Variants in SPHKAP observed in about 807,000 individuals in gnomAD.
The protein encoded by SPHKAP is A-kinase anchor protein SPHKAP.
SPHKAP carries 67 observed loss-of-function variants against 137.5 expected under a neutral mutation model. The observed-to-expected ratio is 0.49, with a 90% confidence interval of 0.40 to 0.60. The LOEUF (loss-of-function observed/expected upper bound fraction) is 0.60. Ranked by LOEUF, SPHKAP falls within the 20% of genes least tolerant of loss-of-function variation. SPHKAP has a pLI of 0.00. For synonymous variants in SPHKAP, 813 were observed against 785.3 expected (o/e 1.04, Z -0.59); for missense variants, 2,097 against 2,069.3 (o/e 1.01, Z -0.26).
intron 1 of SPHKAP, among the ~76,000 whole-genome samples, chr2:228,144,806 T>C (rs1045648689): frequency 3.3e-5 from 5 of 152,180 alleles, no homozygotes; most frequent in Non-Finnish European, 7.3e-5. Flanking sequence ...TGATGAGTTG[T>C]CATGGGTCCC....
At chr2:228,054,956 A>T (rs1001357856) in intron 3 of SPHKAP, among the ~76,000 whole-genome samples, 2 of 152,048 alleles carry the variant, frequency 1.3e-5, no homozygotes, top group African/African-American at 4.8e-5. Flanking sequence ...CCTGGCTAAC[A>T]TGGTGAAACC....
intron 9 of SPHKAP, among the ~76,000 whole-genome samples, chr2:227,992,376 G>GTA (rs1693446074): frequency 6.6e-6 from 1 of 152,170 alleles, no homozygotes; most frequent in Non-Finnish European, 1.5e-5. Flanking sequence ...GACATAGGGG[G>GTA]TATGACAAAT....
intron 1 of SPHKAP, among the ~76,000 whole-genome samples, chr2:228,172,785 C>T (rs1425371144): frequency 1.3e-5 from 2 of 152,136 alleles, no homozygotes; most frequent in African/African-American, 4.8e-5. Context: ...TTGGAACAGC[C>T]ACAACCTGAA....
At chr2:228,176,524 T>C (rs1327419451) in intron 1 of SPHKAP, among the ~76,000 whole-genome samples, 1 of 152,218 alleles carries the variant, frequency 6.6e-6, no homozygotes, top group Non-Finnish European at 1.5e-5. Flanking sequence ...GTCAGGTAAC[T>C]TGCCCAGACA....
chr2:228,065,771 C>G (rs998106130), intron 3 of SPHKAP, among the ~76,000 whole-genome samples: 2 of 152,130 alleles, frequency 1.3e-5, no homozygotes. Context: ...TAGAGAGAGA[C>G]AGTGCATTGA....
At position 228,072,181 on chromosome 2, in the gene SPHKAP, G is replaced by A. The variant is rs182690396; in HGVS notation, c.246+36651C>T. On this transcript the variant is annotated intron_variant, in intron 3 of 11. Coordinates refer to ENST00000392056, the MANE Select transcript of SPHKAP (RefSeq NM_001142644.2). ...TTCTCACATCTTCACACTTGAACTG[G>A]AATCTATGCCATCAGCTCTCAGGCC... 2.6e-4 allele frequency among the ~76,000 whole-genome samples: 39 copies of A among 152,206 alleles called. No homozygotes were observed. In the East Asian group the frequency reaches 7.3e-3, roughly 29 times the overall value.
At chr2:228,055,783 C>T (rs753161761) in intron 3 of SPHKAP, among the ~76,000 whole-genome samples, 1 of 152,200 alleles carries the variant, frequency 6.6e-6, no homozygotes. Context: ...AATGGCAAAC[C>T]TCCTCCTGCA....
chr2:228,046,728 TATC>T, intron 3 of SPHKAP, among the ~76,000 whole-genome samples: 1 of 152,328 alleles, frequency 6.6e-6, no homozygotes, highest in South Asian at 2.1e-4. Flanking sequence ...TTCTTTGTAA[TATC>T]ATTCTATTTT....
chr2:228,050,619 A>G (rs1338385207), intron 3 of SPHKAP, among the ~76,000 whole-genome samples: 1 of 152,178 alleles, frequency 6.6e-6, no homozygotes, highest in Non-Finnish European at 1.5e-5. Context: ...TTCAATATTT[A>G]TATTTTGTTT....
chr2:228,117,694 C>T (rs1404987243), intron 2 of SPHKAP, among the ~76,000 whole-genome samples: 1 of 152,108 alleles, frequency 6.6e-6, no homozygotes, highest in Non-Finnish European at 1.5e-5. Flanking sequence ...GAAAAATGCA[C>T]ATGATTGTGT....
intron 1 of SPHKAP, among the ~76,000 whole-genome samples, chr2:228,152,401 G>C (rs1699962670): frequency 6.6e-6 from 1 of 152,062 alleles, no homozygotes; most frequent in East Asian, 1.9e-4. Context: ...TTCTAGCAAT[G>C]TCTTTCCATT....
At chr2:228,030,524 A>C (rs1405240498) in intron 3 of SPHKAP, among the ~76,000 whole-genome samples, 49 of 102,440 alleles carry the variant, frequency 4.8e-4, no homozygotes, top group Non-Finnish European at 9.1e-4. Flanking sequence ...AAAAAAAAAA[A>C]AAAAAAAACA....
intron 3 of SPHKAP, among the ~76,000 whole-genome samples, chr2:228,036,575 C>T (rs1305643354): frequency 2.0e-5 from 3 of 151,896 alleles, no homozygotes; most frequent in Non-Finnish European, 2.9e-5. Flanking sequence ...TATAAAGACA[C>T]ATGCACACGT....
chr2:228,161,369 A>T (rs73098643), intron 1 of SPHKAP, among the ~76,000 whole-genome samples: 3 of 152,212 alleles, frequency 2.0e-5, no homozygotes, highest in Non-Finnish European at 4.4e-5. Context: ...GAGTTGGCCC[A>T]ATCTAGAAAC....
At chr2:227,984,891 T>C (rs1245835789) in intron 11 of SPHKAP, among the ~76,000 whole-genome samples, 1 of 152,156 alleles carries the variant, frequency 6.6e-6, no homozygotes, top group Non-Finnish European at 1.5e-5. Flanking sequence ...GATGGAAACA[T>C]GACATTTGCC....
chr2:227,983,628 CTGTT>C (rs35084464), intron 11 of SPHKAP, among the ~76,000 whole-genome samples: 39,702 of 151,990 alleles, frequency 0.26, 5,935 homozygotes, highest in Non-Finnish European at 0.34. Flanking sequence ...CTCAAGAAGA[CTGTT>C]TGGAATGTGG....
intron 7 of SPHKAP, among the ~76,000 whole-genome samples, chr2:228,013,330 C>T (rs1199814626): frequency 6.6e-6 from 1 of 152,190 alleles, no homozygotes; most frequent in South Asian, 2.1e-4. Flanking sequence ...CGGCTCACTG[C>T]AACCTCCACC....
intron 3 of SPHKAP, among the ~76,000 whole-genome samples, chr2:228,107,473 T>A (rs968590328): frequency 6.6e-6 from 1 of 152,188 alleles, no homozygotes; most frequent in Non-Finnish European, 1.5e-5. Flanking sequence ...TGATACCATC[T>A]GACACTATAA....
At chr2:228,105,001 C>T (rs186509699) in intron 3 of SPHKAP, among the ~76,000 whole-genome samples, 1 of 152,294 alleles carries the variant, frequency 6.6e-6, no homozygotes, top group African/African-American at 2.4e-5. Flanking sequence ...CAGGGTCACA[C>T]TCTGTTACTC....
Sources: allele counts gnomAD v4.1 joint callset (sites outside exome capture counted in the v4.1 genomes callset), GRCh38; gene constraint gnomAD v4.1.1; transcripts MANE v1.5; gene names NCBI Gene and HGNC (gene_info 2026-07-23, HGNC 2026-07-21).